ANO4: variants seen among roughly 807,000 people sequenced by gnomAD.
ANO4 encodes the protein anoctamin-4.
A neutral mutation model predicts 141.9 loss-of-function variants in ANO4; 69 were observed. That is an observed-to-expected ratio of 0.49 (90% CI 0.40 to 0.59). The LOEUF (loss-of-function observed/expected upper bound fraction) is 0.59. Ranked by LOEUF, ANO4 falls within the 20% of genes least tolerant of loss-of-function variation. ANO4 has a pLI of 0.00. For synonymous variants in ANO4, 350 were observed against 394.3 expected, an observed-to-expected ratio of 0.89 and a Z score of 1.33; for missense variants, 894 against 1,162.2, an observed-to-expected ratio of 0.77 and a Z score of 3.36.
At chr12:101,074,382 A>G (rs1411151580) in intron 14 of ANO4, among the ~76,000 whole-genome samples, 6 of 152,154 alleles carry the variant, frequency 3.9e-5, no homozygotes, top group Non-Finnish European at 8.8e-5. Context: ...CAGAAGGGGA[A>G]AGTGGATACG....
chr12:100,822,371 C>T (rs1395021080), intron 1 of ANO4, among the ~76,000 whole-genome samples: 3 of 151,936 alleles, frequency 2.0e-5, no homozygotes, highest in South Asian at 4.1e-4. Context: ...AACTACGATT[C>T]GAAGAAAATC....
At chr12:100,847,915 C>T (rs1325576551) in intron 1 of ANO4, among the ~76,000 whole-genome samples, 1 of 152,172 alleles carries the variant, frequency 6.6e-6, no homozygotes, top group Non-Finnish European at 1.5e-5. Flanking sequence ...TCTCATTTTG[C>T]CTCAGGTGGT....
intron 7 of ANO4, among the ~76,000 whole-genome samples, chr12:100,977,153 ATAAT>A (rs762889376): frequency 2.8e-4 from 42 of 152,326 alleles, no homozygotes; most frequent in East Asian, 5.8e-4. Context: ...ATTACATGTA[ATAAT>A]TAATACATGT....
intron 13 of ANO4, among the ~76,000 whole-genome samples, chr12:101,045,824 A>G (rs962126501): frequency 3.3e-5 from 5 of 152,172 alleles, no homozygotes; most frequent in Admixed American, 1.3e-4. Context: ...AATAGAAAAG[A>G]TGGCTACCAG....
At chr12:101,062,968 C>T (rs2048412892) in intron 14 of ANO4, among the ~76,000 whole-genome samples, 1 of 152,192 alleles carries the variant, frequency 6.6e-6, no homozygotes, top group Admixed American at 6.5e-5. Flanking sequence ...GGTGTCTGCC[C>T]AAAAGGCTGC....
Position 101,068,285 on chromosome 12 carries a change from C to T in ANO4, c.1313-10908C>T, listed in dbSNP as rs576049767. The T allele has an allele frequency of 2.7e-4, 385 of 1,419,992 alleles. No individual in the cohort carries two copies. The South Asian group carries it at 4.6e-3, about 17-fold the overall frequency. 88.0% of individuals were successfully genotyped at this position (1,419,992 alleles called of 1,614,324 possible). On this transcript the variant is annotated intron_variant, in intron 14 of 27. Transcript: ENST00000392977. ...GACTCATGAGTTCCTGCCTCTGCTGCAGATTCCGCCTGCTCCTACGAAGGC... is the reference window on the plus strand; with the variant it reads ...GACTCATGAGTTCCTGCCTCTGCTGTAGATTCCGCCTGCTCCTACGAAGGC...
intron 1 of ANO4, among the ~76,000 whole-genome samples, chr12:100,881,591 T>G (rs1383450434): frequency 6.6e-6 from 1 of 152,154 alleles, no homozygotes; most frequent in African/African-American, 2.4e-5. Context: ...CTGAGTTTAG[T>G]TTTTACTCTG....
At chr12:101,083,384 A>T (rs2049360441) in intron 15 of ANO4, among the ~76,000 whole-genome samples, 1 of 152,196 alleles carries the variant, frequency 6.6e-6, no homozygotes, top group African/African-American at 2.4e-5. Flanking sequence ...TTAAAATACC[A>T]TTCTCAGGGT....
chr12:100,818,186 T>G (rs565025238), intron 1 of ANO4, among the ~76,000 whole-genome samples: 34 of 151,914 alleles, frequency 2.2e-4, no homozygotes, highest in Non-Finnish European at 4.7e-4. Context: ...TATATAGTTA[T>G]AATAATAAGT....
At chr12:100,977,020 C>A (rs991088001) in intron 7 of ANO4, among the ~76,000 whole-genome samples, 4 of 152,152 alleles carry the variant, frequency 2.6e-5, no homozygotes, top group African/African-American at 9.7e-5. Context: ...CAGGTTACTT[C>A]ACTTCTCTGA....
In ANO4 at chr12:100,763,332, G is replaced by A. The variant is rs549878223; in HGVS notation, c.358+23227G>A. Among the ~76,000 whole-genome samples the A allele has an allele frequency of 7.2e-5, 11 of 152,292 alleles. No individual in the cohort carries two copies. In the South Asian group the frequency reaches 2.3e-3, roughly 32 times the overall value. On this transcript the variant is annotated intron_variant, in intron 3 of 29. Coordinates refer to the ANO4 transcript ENST00000644049. Reference sequence around the variant, plus strand: ...GGTACTGCCCCTGCAACAGATTTGAGTAACAGATTTTTTCTTATTTTGAAG... The same window carrying A: ...GGTACTGCCCCTGCAACAGATTTGAATAACAGATTTTTTCTTATTTTGAAG...
chr12:100,996,663 C>A (rs1462855084), intron 8 of ANO4, among the ~76,000 whole-genome samples: 2 of 152,126 alleles, frequency 1.3e-5, no homozygotes, highest in African/African-American at 4.8e-5. Context: ...CCAGCCTGGG[C>A]AACAAGAGTG....
At chr12:101,054,395 A>G (rs2048011027) in intron 14 of ANO4, among the ~76,000 whole-genome samples, 1 of 152,228 alleles carries the variant, frequency 6.6e-6, no homozygotes. Context: ...CTTTAAGTAT[A>G]ATTTATGTGC....
At chr12:100,747,328 A>T (rs2017277244) in intron 3 of ANO4, among the ~76,000 whole-genome samples, 1 of 152,102 alleles carries the variant, frequency 6.6e-6, no homozygotes, top group African/African-American at 2.4e-5. Context: ...TTTTCCAAAG[A>T]GGAAGATTTT....
At chr12:100,902,790 T>TC (rs1255591737) in intron 2 of ANO4, among the ~76,000 whole-genome samples, 2 of 152,180 alleles carry the variant, frequency 1.3e-5, no homozygotes, top group Non-Finnish European at 2.9e-5. Flanking sequence ...TATGCATCAT[T>TC]CCCCACTTTC....
chr12:100,965,648 G>C lies in ANO4; in HGVS notation c.457-5658G>C, dbSNP rs139811105. On this transcript the variant is annotated intron_variant, in intron 5 of 27. Transcript: ENST00000392977. The stretch of plus-strand genomic sequence containing the variant: ...AATGTTCAATCACCCCAGCCTTTTA[G>C]TTCCCGGAACAATCTCTGGGCCTTT... 1.1e-4 allele frequency among the ~76,000 whole-genome samples: 16 copies of C among 151,740 alleles called. No individual in the cohort carries two copies. In the East Asian group the frequency reaches 3.1e-3, roughly 30 times the overall value.
At chr12:100,921,125 C>CTGAGAATCTACTTTGT (rs1381836876) in intron 2 of ANO4, among the ~76,000 whole-genome samples, 1 of 152,088 alleles carries the variant, frequency 6.6e-6, no homozygotes, top group African/African-American at 2.4e-5. Flanking sequence ...TTCATTCAGC[C>CTGAGAATCTACTTTGT]TGAGAATCTA....
intron 3 of ANO4, among the ~76,000 whole-genome samples, chr12:100,772,871 T>C (rs898028525): frequency 3.3e-5 from 5 of 152,240 alleles, no homozygotes; most frequent in Admixed American, 3.3e-4. Context: ...CAAACACTTG[T>C]ATATGCACTA....
intron 14 of ANO4, among the ~76,000 whole-genome samples, chr12:101,071,303 T>C (rs1475535460): frequency 6.7e-6 from 1 of 150,282 alleles, no homozygotes; most frequent in Non-Finnish European, 1.5e-5. Flanking sequence ...AAAGAAAACG[T>C]GGCACTTATA....
Sources: gnomAD v4.1 joint callset for allele counts (sites outside exome capture counted in the v4.1 genomes callset) on GRCh38, gnomAD v4.1.1 for gene constraint, MANE v1.5 for transcripts, NCBI Gene and HGNC (gene_info 2026-07-23, HGNC 2026-07-21) for gene names.